VPS54: variants seen among roughly 807,000 people sequenced by gnomAD.
The protein encoded by VPS54 is vacuolar protein sorting-associated protein 54.
A neutral mutation model predicts 121.5 loss-of-function variants in VPS54; 45 were observed. The ratio of observed to expected loss-of-function variants is 0.37; its 90% CI spans 0.29 to 0.47. The LOEUF is 0.47. Among genes scored for constraint, VPS54 ranks in the 20% least tolerant of loss-of-function variants. The pLI is 0.99. For synonymous variants in VPS54, 371 were observed against 385.8 expected, an observed-to-expected ratio of 0.96 and a Z score of 0.45; for missense variants, 1,090 against 1,131.4, an observed-to-expected ratio of 0.96 and a Z score of 0.52.
Position 63,983,993 on chromosome 2 carries a change from A to C in VPS54, c.7T>G (p.Ser3Ala), listed in dbSNP as rs1676925934. 1 of 1,607,006 alleles carries C rather than the reference A, an allele frequency of 6.2e-7. No individual in the cohort carries two copies. Among genetic ancestry groups the C allele is most frequent in the South Asian group, 1.1e-5 (1 of 89,248 alleles). Residue 3 changes from serine (S) to alanine (A), a missense_variant, in exon 2 of 23, where the codon TCA (serine) becomes GCA (alanine). Ser to Ala is a moderately conservative substitution (Grantham distance 99). Around this residue, in one of 2 missense-constraint regions of VPS54, gnomAD observed 801 missense variants for 757.0 expected, o/e 1.06. Coordinates refer to ENST00000272322, the MANE Select transcript of VPS54 (RefSeq NM_016516.3). The part of the protein sequence containing the change: MA[S>A]SHSSSPVPQG... ...GGCACTGGTGAAGAACTGTGGCTTG[A>C]AGCCATTGCATAAAATCACCACTCA...
chr2:63,972,096 C>T (rs909055551), intron 4 of VPS54, 70 bp downstream of exon 4: 46 of 1,023,820 alleles, frequency 4.5e-5, no homozygotes, highest in Non-Finnish European at 5.1e-5. Flanking sequence ...CAATAAGGTC[C>T]CAAAATAAAG....
chr2:63,913,378 C>G, intron 17 of VPS54, 68 bp from the exon 18 acceptor site: 1 of 1,183,294 alleles, frequency 8.5e-7, no homozygotes, highest in Non-Finnish European at 1.2e-6. Flanking sequence ...TGGCAATGTG[C>G]TATTATAAAA....
intron 11 of VPS54, among the ~76,000 whole-genome samples, chr2:63,934,261 A>C (rs1212586588): frequency 6.6e-6 from 1 of 152,192 alleles, no homozygotes; most frequent in African/African-American, 2.4e-5. Flanking sequence ...TTTAAAATGG[A>C]AATCTCCCTA....
chr2:63,901,120 T>A (rs1411890103), intron 20 of VPS54, among the ~76,000 whole-genome samples: 1 of 152,250 alleles, frequency 6.6e-6, no homozygotes. Flanking sequence ...AATCGTATGA[T>A]TAATTCATTA....
intron 1 of VPS54, among the ~76,000 whole-genome samples, chr2:64,008,344 G>A (rs1383812725): frequency 6.6e-6 from 1 of 151,952 alleles, no homozygotes; most frequent in Non-Finnish European, 1.5e-5. Context: ...GACCTGGGAG[G>A]CAGAGGTTGC....
intron 1 of VPS54, among the ~76,000 whole-genome samples, chr2:64,018,424 G>A (rs1216119594): frequency 1.3e-5 from 2 of 152,178 alleles, no homozygotes; most frequent in East Asian, 3.8e-4. Context: ...AGAGATGGAA[G>A]GAGGCAGAAC....
chr2:64,005,882 T>C (rs1678120067), intron 1 of VPS54, among the ~76,000 whole-genome samples: 1 of 152,206 alleles, frequency 6.6e-6, no homozygotes, highest in Non-Finnish European at 1.5e-5. Flanking sequence ...TCAGCACCCT[T>C]GCTCTAGACC....
intron 20 of VPS54, among the ~76,000 whole-genome samples, chr2:63,909,730 T>G (rs868603602): frequency 2.1e-5 from 3 of 145,866 alleles, no homozygotes; most frequent in Non-Finnish European, 3.1e-5. Flanking sequence ...TTTTGGTTTT[T>G]TTTTTTTTTT....
intron 20 of VPS54, among the ~76,000 whole-genome samples, chr2:63,905,780 C>CA (rs1672881359): frequency 6.6e-6 from 1 of 151,978 alleles, no homozygotes. Context: ...CTCCACCACA[C>CA]AAAAAAATCC....
At chr2:63,935,036 G>GAT (rs1674389067) in intron 11 of VPS54, among the ~76,000 whole-genome samples, 1 of 152,114 alleles carries the variant, frequency 6.6e-6, no homozygotes, top group African/African-American at 2.4e-5. Flanking sequence ...TCAACAAAAG[G>GAT]ATCTAAGCTA....
chr2:63,947,410 A>G lies in VPS54; in HGVS notation c.1218T>C (p.Val406=), dbSNP rs1239674040. 2 of 1,560,046 alleles carry G rather than the reference A, an allele frequency of 1.3e-6. No individual in the cohort carries two copies. The highest frequency in any genetic ancestry group is 1.1e-5 in the South Asian group (1 of 88,424). ...GTTTAATGATATTCTTTGCTGTAAT[A>G]ACCATTTTTTCACCATAGATTTCTA... is the stretch of plus-strand genomic sequence containing the variant. ...NFLEIYGEKM[V]ITAKNIIKQC... Residue 406 remains valine, a synonymous_variant, in exon 9 of 23, where the codon GTT becomes GTC. Coordinates refer to ENST00000272322, the MANE Select transcript of VPS54 (RefSeq NM_016516.3).
At chr2:63,938,128 G>A (rs551902995) in intron 11 of VPS54, among the ~76,000 whole-genome samples, 1 of 150,926 alleles carries the variant, frequency 6.6e-6, no homozygotes, top group South Asian at 2.1e-4. Context: ...TTGTGTGCAT[G>A]TGTGCGTGGC....
intron 5 of VPS54, among the ~76,000 whole-genome samples, chr2:63,967,547 C>T (rs532465976): frequency 7.9e-5 from 12 of 151,610 alleles, no homozygotes; most frequent in South Asian, 2.1e-4. Context: ...GGCAAAACCC[C>T]GTCTCTTCTA....
chr2:63,919,538 C>G (rs1486133243), intron 15 of VPS54, among the ~76,000 whole-genome samples: 1 of 151,956 alleles, frequency 6.6e-6, no homozygotes, highest in East Asian at 1.9e-4. Flanking sequence ...TTTCAAATCC[C>G]AACTCATCAT....
At position 63,893,215 on chromosome 2, in the gene VPS54, A is replaced by G; in HGVS notation, c.*215T>C. ...GAATGAAAAATGTTATAGACACCTG[A>G]TCAGTTACTCCTCACTGTAGGATGC... On this transcript the variant is annotated 3_prime_UTR_variant, in exon 23 of 23. Coordinates refer to ENST00000272322, the MANE Select transcript of VPS54 (RefSeq NM_016516.3). 2 of 610,962 alleles carry G rather than the reference A, an allele frequency of 3.3e-6. No individual in the cohort carries two copies. Among genetic ancestry groups the G allele is most frequent in the Admixed American group, 5.2e-5 (2 of 38,118 alleles). The allele number at this position is 610,962 out of a possible 1,614,324, so 37.8% of individuals were successfully genotyped here. A position where few individuals can be genotyped will look rare whatever the true frequency, so the allele number is the denominator to read the frequency against.
chr2:64,015,924 C>T (rs1357041950), intron 1 of VPS54, among the ~76,000 whole-genome samples: 1 of 152,170 alleles, frequency 6.6e-6, no homozygotes, highest in African/African-American at 2.4e-5. Flanking sequence ...ATGTCCAGTT[C>T]TTTCTCAGCT....
In VPS54 at chr2:63,919,021, T is replaced by G. The variant is rs541111723; in HGVS notation, c.2164+862A>C. 2.6e-5 allele frequency among the ~76,000 whole-genome samples: 4 copies of G among 152,232 alleles called. No individual in the cohort carries two copies. In the South Asian group the frequency reaches 8.3e-4, roughly 32 times the overall value. On this transcript the variant is annotated intron_variant, in intron 15 of 22. Transcript: ENST00000272322. ...TTGTGCGAATGTGAAGTATACAATT[T>G]AAAACTTTGATTAAATGCATAAAAT...
chr2:63,897,073 T>C (rs760152609), intron 22 of VPS54, among the ~76,000 whole-genome samples: 3 of 152,196 alleles, frequency 2.0e-5, no homozygotes, highest in Admixed American at 6.5e-5. Context: ...ATAAAATATA[T>C]ACATATACAC....
At chr2:63,952,336 G>GA (rs1675292356) in intron 7 of VPS54, among the ~76,000 whole-genome samples, 1 of 152,096 alleles carries the variant, frequency 6.6e-6, no homozygotes, top group Non-Finnish European at 1.5e-5. Context: ...GAGTCCAATG[G>GA]AAAATATGTT....
Sources: allele counts gnomAD v4.1 joint callset (sites outside exome capture counted in the v4.1 genomes callset), GRCh38; gene constraint gnomAD v4.1.1; regional missense constraint gnomAD v4.1.1; transcripts MANE v1.5; gene names NCBI Gene and HGNC (gene_info 2026-07-23, HGNC 2026-07-21).